Variants in KCNMA1 observed in about 807,000 individuals in gnomAD.
KCNMA1 encodes the protein Calcium-activated potassium channel subunit alpha-1.
In KCNMA1, 29 loss-of-function variants were observed where a neutral mutation model predicts 140.0. The ratio of observed to expected loss-of-function variants is 0.21; its 90% CI spans 0.15 to 0.28. The LOEUF (loss-of-function observed/expected upper bound fraction) is 0.28, where lower values mean the gene tolerates loss of function less well. Among genes scored for constraint, KCNMA1 ranks in the 10% least tolerant of loss-of-function variants. KCNMA1 has a pLI of 1.00. For synonymous variants in KCNMA1, 612 were observed against 611.9 expected (o/e 1.00, Z 0.00); for missense variants, 880 against 1,602.2 (o/e 0.55, Z 7.70).
chr10:76,886,225 GC>G lies in KCNMA1; in HGVS notation c.*1040del. The G allele has an allele frequency of 1.0e-6, 1 of 985,330 alleles. No individual in the cohort carries two copies. Among genetic ancestry groups the G allele is most frequent in the Non-Finnish European group, 1.2e-6 (1 of 829,900 alleles). The allele number at this position is 985,330 out of a possible 1,614,324, so 61.0% of individuals were successfully genotyped here. A position where few individuals can be genotyped will look rare whatever the true frequency, so the allele number is the denominator to read the frequency against. ...GCCCTTCCTCCTACCTGGCATTGGG[GC>G]CCTAACTAATCAAACAAAGGGGAGT... On this transcript the variant is annotated 3_prime_UTR_variant, in exon 28 of 28. Transcript: ENST00000286628.
chr10:77,359,730 C>T (rs538995241), intron 2 of KCNMA1, among the ~76,000 whole-genome samples: 2 of 152,290 alleles, frequency 1.3e-5, no homozygotes, highest in Admixed American at 6.5e-5. Context: ...TGAGTGCCCA[C>T]GGAGATGGGA....
At chr10:77,119,673 A>G (rs1340062582) in intron 6 of KCNMA1, among the ~76,000 whole-genome samples, 12 of 152,216 alleles carry the variant, frequency 7.9e-5, no homozygotes, top group South Asian at 4.1e-4. Context: ...AAGAAATACA[A>G]TATTCACTGT....
chr10:77,480,123 G>A (rs556711729), intron 1 of KCNMA1, among the ~76,000 whole-genome samples: 41 of 152,290 alleles, frequency 2.7e-4, no homozygotes, highest in African/African-American at 8.4e-4. Flanking sequence ...CAAATACGAC[G>A]CCCATATATG....
intron 5 of KCNMA1, among the ~76,000 whole-genome samples, chr10:77,177,545 C>T (rs1465224225): frequency 1.3e-5 from 2 of 149,462 alleles, no homozygotes; most frequent in East Asian, 2.0e-4. Context: ...TACTATGTTG[C>T]CCAGGTTGGT....
At chr10:77,072,532 C>T (rs902319153) in intron 14 of KCNMA1, among the ~76,000 whole-genome samples, 2 of 152,144 alleles carry the variant, frequency 1.3e-5, no homozygotes, top group Admixed American at 6.5e-5. Flanking sequence ...ATCCAGACCG[C>T]CTGTCTCTCG....
At chr10:77,328,057 C>T (rs2084902590) in intron 2 of KCNMA1, among the ~76,000 whole-genome samples, 3 of 152,340 alleles carry the variant, frequency 2.0e-5, no homozygotes, top group African/African-American at 7.2e-5. Flanking sequence ...CTCTGCTCCA[C>T]TGTTTATGAC....
chr10:77,264,945 G>A (rs2063018255), intron 2 of KCNMA1, among the ~76,000 whole-genome samples: 1 of 152,156 alleles, frequency 6.6e-6, no homozygotes, highest in South Asian at 2.1e-4. Flanking sequence ...CCTGGCAGGG[G>A]ACACAAAACT....
intron 15 of KCNMA1, among the ~76,000 whole-genome samples, chr10:77,030,034 C>T (rs552020939): frequency 6.6e-6 from 1 of 152,320 alleles, no homozygotes; most frequent in South Asian, 2.1e-4. Flanking sequence ...AAGGAAAGTG[C>T]TGCTGAAGGC....
chr10:77,605,246 G>A (rs34012040), intron 1 of KCNMA1, among the ~76,000 whole-genome samples: 44,387 of 152,112 alleles, frequency 0.29, 6,689 homozygotes, highest in Middle Eastern at 0.38. Flanking sequence ...GGACTGTCCC[G>A]GATGCCCTCC....
At chr10:77,213,104 T>TAATTA (rs1396491489) in intron 3 of KCNMA1, among the ~76,000 whole-genome samples, 2 of 152,156 alleles carry the variant, frequency 1.3e-5, no homozygotes, top group African/African-American at 4.8e-5. Flanking sequence ...AAAGACTGAG[T>TAATTA]AATTACATAA....
At chr10:77,285,497 A>G (rs773524917) in intron 2 of KCNMA1, among the ~76,000 whole-genome samples, 11 of 152,228 alleles carry the variant, frequency 7.2e-5, no homozygotes, top group African/African-American at 2.7e-4. Flanking sequence ...TAGAACAGAC[A>G]CTGAAACAGG....
intron 23 of KCNMA1, among the ~76,000 whole-genome samples, chr10:76,937,554 A>G (rs1218325385): frequency 6.6e-6 from 1 of 152,250 alleles, no homozygotes; most frequent in African/African-American, 2.4e-5. Context: ...ATTTCATCCC[A>G]GAGTTCCACT....
At chr10:77,142,443 A>AGTATGT (rs1384997156) in intron 5 of KCNMA1, among the ~76,000 whole-genome samples, 1 of 152,182 alleles carries the variant, frequency 6.6e-6, no homozygotes, top group African/African-American at 2.4e-5. Context: ...TAGTTATCTG[A>AGTATGT]GTATGTGTAT....
intron 17 of KCNMA1, among the ~76,000 whole-genome samples, chr10:77,015,480 T>C (rs999395104): frequency 1.9e-4 from 29 of 152,136 alleles, no homozygotes; most frequent in African/African-American, 7.0e-4. Flanking sequence ...TCTCCTCCTT[T>C]TTCCCATTTA....
chr10:76,884,707 T>C (rs1405300637), downstream of KCNMA1, among the ~76,000 whole-genome samples: 2 of 149,064 alleles, frequency 1.3e-5, no homozygotes, highest in Non-Finnish European at 3.0e-5. Flanking sequence ...AATCTAGCGA[T>C]AGCAGCAGCA....
intron 19 of KCNMA1, among the ~76,000 whole-genome samples, chr10:76,996,696 C>T (rs955411810): frequency 5.9e-5 from 9 of 152,234 alleles, no homozygotes; most frequent in African/African-American, 1.9e-4. Flanking sequence ...GGCTTTAAAA[C>T]TAATACATGA....
At chr10:77,236,950 A>T (rs990679830) in intron 3 of KCNMA1, among the ~76,000 whole-genome samples, 8 of 152,182 alleles carry the variant, frequency 5.3e-5, no homozygotes, top group African/African-American at 1.9e-4. Flanking sequence ...CAGCTGTGTC[A>T]TCTTTTTTAA....
chr10:76,911,580 T>A (rs1205362830), intron 24 of KCNMA1: 1 of 152,234 alleles, frequency 6.6e-6, no homozygotes, highest in Non-Finnish European at 1.5e-5. Flanking sequence ...AATGGGATGG[T>A]GCCCAGTAAG....
chr10:76,913,557 A>G (rs1200700690), intron 24 of KCNMA1: 1 of 152,842 alleles, frequency 6.5e-6, no homozygotes, highest in African/African-American at 2.4e-5. Context: ...AGGGGGGAAA[A>G]AAAAAAAAGG....
Sources: allele counts gnomAD v4.1 joint callset (sites outside exome capture counted in the v4.1 genomes callset), GRCh38; gene constraint gnomAD v4.1.1; transcripts MANE v1.5; gene names NCBI Gene and HGNC (gene_info 2026-07-23, HGNC 2026-07-21).